SPOCK3: variants seen among roughly 807,000 people sequenced by gnomAD.
SPOCK3 encodes SPARC (osteonectin), cwcv and kazal like domains proteoglycan 3.
A neutral mutation model predicts 56.6 loss-of-function variants in SPOCK3; 30 were observed. That is an observed-to-expected ratio of 0.53 (90% CI 0.40 to 0.72). SPOCK3 has a LOEUF of 0.72. SPOCK3 is among the 30% of genes least tolerant of loss of function. SPOCK3 has a pLI of 0.00. For synonymous variants in SPOCK3, 196 were observed against 183.3 expected, an observed-to-expected ratio of 1.07 and a Z score of -0.56; for missense variants, 527 against 530.0, an observed-to-expected ratio of 0.99 and a Z score of 0.06.
At chr4:167,035,637 A>G (rs1752681463) in intron 3 of SPOCK3, among the ~76,000 whole-genome samples, 1 of 152,052 alleles carries the variant, frequency 6.6e-6, no homozygotes, top group Non-Finnish European at 1.5e-5. Flanking sequence ...CCCAATCTGC[A>G]ATTTTCACAG....
At chr4:167,085,929 C>A (rs1461540422) in intron 2 of SPOCK3, among the ~76,000 whole-genome samples, 1 of 151,906 alleles carries the variant, frequency 6.6e-6, no homozygotes, top group East Asian at 1.9e-4. Flanking sequence ...TAATAAACAT[C>A]CATTGTTGGG....
chr4:167,120,250 G>A (rs1761757653), intron 2 of SPOCK3, among the ~76,000 whole-genome samples: 2 of 151,860 alleles, frequency 1.3e-5, no homozygotes, highest in South Asian at 2.1e-4. Context: ...AAAACATTGT[G>A]TTTCAATTTT....
chr4:166,788,675 A>G (rs1051230885), intron 7 of SPOCK3, among the ~76,000 whole-genome samples: 2 of 151,684 alleles, frequency 1.3e-5, no homozygotes, highest in African/African-American at 4.8e-5. Flanking sequence ...AGTGAAAATT[A>G]TTATAACAAA....
intron 2 of SPOCK3, among the ~76,000 whole-genome samples, chr4:167,125,598 CA>C (rs35749711): frequency 0.2 from 30,922 of 151,676 alleles, 3,368 homozygotes; most frequent in Middle Eastern, 0.29. Context: ...CCTGTAGTCC[CA>C]AGCTACTCGG....
At chr4:166,843,390 A>G (rs1747706561) in intron 6 of SPOCK3, among the ~76,000 whole-genome samples, 1 of 152,250 alleles carries the variant, frequency 6.6e-6, no homozygotes, top group South Asian at 2.1e-4. Flanking sequence ...GATCTTGCAG[A>G]TGCAATTAAG....
chr4:167,127,077 A>G (rs988108864), intron 2 of SPOCK3, among the ~76,000 whole-genome samples: 20 of 152,198 alleles, frequency 1.3e-4, no homozygotes, highest in Admixed American at 3.3e-4. Context: ...GGTGAGGAGA[A>G]TTGATTGACT....
At position 166,959,607 on chromosome 4, in the gene SPOCK3, G is replaced by A. The variant is rs1324565761; in HGVS notation, c.350+40742C>T. 1.2e-4 allele frequency among the ~76,000 whole-genome samples: 11 copies of A among 95,292 alleles called. No individual in the cohort carries two copies. The South Asian group carries it at 1.3e-3, about 11-fold the overall frequency. 62.5% of individuals were successfully genotyped at this position (95,292 alleles called of 152,430 possible). On this transcript the variant is annotated intron_variant, in intron 4 of 10. Transcript: ENST00000357545. ...AGCCTGGGCAACAGAGCAAGAGTTC[G>A]TCTCAAAAAAAGAAAAAAAAAAAAG...
In SPOCK3 at chr4:166,807,087, T is replaced by C. The variant is rs10005148; in HGVS notation, c.590-14798A>G. Among the ~76,000 whole-genome samples the C allele has an allele frequency of 4.6e-3, 705 of 152,126 alleles. 10 individuals carry two copies. Among genetic ancestry groups the C allele is most frequent in the African/African-American group, 0.016 (675 of 41,522 alleles). On this transcript the variant is annotated intron_variant, in intron 6 of 10. Transcript: ENST00000357545. The stretch of plus-strand genomic sequence containing the variant: ...TTAGGACTGTAACTGAAACTGCAGA[T>C]AAAGGGGGAATACTTTATAGTTATA...
At chr4:166,975,933 T>C (rs1257774674) in intron 4 of SPOCK3, among the ~76,000 whole-genome samples, 1 of 152,138 alleles carries the variant, frequency 6.6e-6, no homozygotes, top group Non-Finnish European at 1.5e-5. Context: ...GACCCTGAAG[T>C]TGCTTCCAAA....
At chr4:167,009,573 T>C (rs1749818272) in intron 3 of SPOCK3, among the ~76,000 whole-genome samples, 1 of 152,064 alleles carries the variant, frequency 6.6e-6, no homozygotes, top group African/African-American at 2.4e-5. Context: ...ACAAATGCAA[T>C]TTCTGCAGCA....
At chr4:167,055,652 C>G (rs1208254982) in intron 3 of SPOCK3, among the ~76,000 whole-genome samples, 1 of 152,222 alleles carries the variant, frequency 6.6e-6, no homozygotes, top group South Asian at 2.1e-4. Context: ...GAGATTATAT[C>G]CCGCACCTGG....
intron 2 of SPOCK3, among the ~76,000 whole-genome samples, chr4:167,222,894 T>C (rs1736136202): frequency 7.8e-6 from 1 of 127,900 alleles, no homozygotes; most frequent in Non-Finnish European, 1.5e-5. Context: ...TATGAATATA[T>C]AAATATATAA....
At chr4:167,205,489 AAT>A (rs1260763217) in intron 2 of SPOCK3, among the ~76,000 whole-genome samples, 2 of 54,352 alleles carry the variant, frequency 3.7e-5, no homozygotes, top group African/African-American at 8.3e-5. Context: ...TATAATATAT[AAT>A]ATATAATATA....
At chr4:166,810,366 A>C (rs1438014437) in intron 6 of SPOCK3, among the ~76,000 whole-genome samples, 1 of 152,082 alleles carries the variant, frequency 6.6e-6, no homozygotes, top group Non-Finnish European at 1.5e-5. Context: ...CGGTTAGATA[A>C]AATGTTGAAT....
intron 2 of SPOCK3, among the ~76,000 whole-genome samples, chr4:167,141,011 G>A (rs1049950859): frequency 2.6e-5 from 4 of 151,826 alleles, no homozygotes; most frequent in African/African-American, 9.7e-5. Flanking sequence ...GCCTTCAGAG[G>A]GGGAGGAAAA....
intron 2 of SPOCK3, among the ~76,000 whole-genome samples, chr4:167,130,155 A>G (rs1762589466): frequency 6.6e-6 from 1 of 152,046 alleles, no homozygotes. Flanking sequence ...TTGTAGAGAG[A>G]GGTTTTCATT....
chr4:167,095,288 A>G (rs955927930), intron 2 of SPOCK3, among the ~76,000 whole-genome samples: 7 of 152,118 alleles, frequency 4.6e-5, no homozygotes, highest in African/African-American at 1.7e-4. Context: ...GTGAATCTAC[A>G]TAACTTTCAC....
chr4:167,085,338 T>C (rs1360596781), intron 2 of SPOCK3, among the ~76,000 whole-genome samples: 1 of 152,110 alleles, frequency 6.6e-6, no homozygotes, highest in Non-Finnish European at 1.5e-5. Context: ...CTTATCAAAT[T>C]GGACTGATCT....
rs957348058 is a variant in SPOCK3 at position 166,733,854 on chromosome 4, A to G, written c.*1067T>C. Reference sequence around the variant, plus strand: ...CATTCCAGCAGCAATACCTTTACTGATATTAATCTGTTAATTAGGTGTGCT... The same window carrying G: ...CATTCCAGCAGCAATACCTTTACTGGTATTAATCTGTTAATTAGGTGTGCT... On this transcript the variant is annotated 3_prime_UTR_variant, in exon 11 of 11. Transcript: ENST00000357545. The G allele has an allele frequency of 6.6e-6, 1 of 152,288 alleles. No individual in the cohort carries two copies. The highest frequency in any genetic ancestry group is 2.4e-5 in the African/African-American group (1 of 41,452). 9.4% of individuals were successfully genotyped at this position (152,288 alleles called of 1,614,324 possible).
Sources: gnomAD v4.1 joint callset for allele counts (sites outside exome capture counted in the v4.1 genomes callset) on GRCh38, gnomAD v4.1.1 for gene constraint, MANE v1.5 for transcripts, NCBI Gene and HGNC (gene_info 2026-07-23, HGNC 2026-07-21) for gene names.